SMOC2: variants seen among roughly 807,000 people sequenced by gnomAD.
The protein encoded by SMOC2 is SPARC related modular calcium binding 2.
In SMOC2, 39 loss-of-function variants were observed where a neutral mutation model predicts 61.4. The ratio of observed to expected loss-of-function variants is 0.64; its 90% CI spans 0.49 to 0.83. The LOEUF (loss-of-function observed/expected upper bound fraction) is 0.83. Among genes scored for constraint, SMOC2 ranks in the 40% least tolerant of loss-of-function variants. The probability of loss-of-function intolerance (pLI) is 0.00; values close to 1 mark genes in which losing one functional copy is unlikely to be tolerated. For missense variants in SMOC2, 556 were observed against 592.9 expected (o/e 0.94, Z 0.65); for synonymous variants, 247 against 239.9 (o/e 1.03, Z -0.27).
At chr6:168,636,640 C>T (rs564725879) in intron 9 of SMOC2, among the ~76,000 whole-genome samples, 7 of 152,320 alleles carry the variant, frequency 4.6e-5, no homozygotes, top group South Asian at 2.1e-4. Flanking sequence ...AAAGTGATAG[C>T]GGTCAAAGCT....
intron 2 of SMOC2, among the ~76,000 whole-genome samples, chr6:168,512,352 G>T (rs1783028627): frequency 6.6e-6 from 1 of 152,130 alleles, no homozygotes; most frequent in Admixed American, 6.5e-5. Flanking sequence ...TTTGTCCAGG[G>T]GTGCCAGACC....
At chr6:168,491,780 G>T (rs1437196211) in intron 1 of SMOC2, among the ~76,000 whole-genome samples, 2 of 152,256 alleles carry the variant, frequency 1.3e-5, no homozygotes, top group East Asian at 1.9e-4. Context: ...GAGATTGCTT[G>T]TTGGCCGTAT....
chr6:168,492,680 C>T (rs931544389), intron 1 of SMOC2, among the ~76,000 whole-genome samples: 1 of 152,208 alleles, frequency 6.6e-6, no homozygotes, highest in Non-Finnish European at 1.5e-5. Flanking sequence ...ATGACGTGAC[C>T]TACGAGGTTG....
intron 7 of SMOC2, among the ~76,000 whole-genome samples, chr6:168,558,713 G>T (rs1378368815): frequency 6.6e-6 from 1 of 152,230 alleles, no homozygotes; most frequent in Non-Finnish European, 1.5e-5. Flanking sequence ...TCGGCAAATA[G>T]GGATTCAGGG....
rs1337984524 is a variant in SMOC2, at chr6:168,518,432, T to C, written c.257-7914T>C. 2.0e-5 allele frequency among the ~76,000 whole-genome samples: 3 copies of C among 146,552 alleles called. No homozygotes were observed. The East Asian group carries it at 6.5e-4, about 32-fold the overall frequency. On this transcript the variant is annotated intron_variant, in intron 2 of 12. Transcript: ENST00000356284. ...GTGTGAATGTGTGCATGAGTGTGCA[T>C]GTGTGACTGTGAATGTGTGAATGTG...
intron 1 of SMOC2, among the ~76,000 whole-genome samples, chr6:168,467,501 G>T (rs1378965454): frequency 6.6e-6 from 1 of 151,976 alleles, no homozygotes; most frequent in Non-Finnish European, 1.5e-5. Flanking sequence ...GTAGAGATGG[G>T]GTTTCATTGT....
At position 168,530,648 on chromosome 6, in the gene SMOC2, C is replaced by A. The variant is rs1041650194; in HGVS notation, c.463+2921C>A. Among the ~76,000 whole-genome samples, 67 of 142,674 alleles carry A rather than the reference C, an allele frequency of 4.7e-4. 1 individual carries two copies. The highest frequency in any genetic ancestry group is 1.2e-3 in the South Asian group (5 of 4,010). 93.6% of individuals were successfully genotyped at this position (142,674 alleles called of 152,430 possible). ...AAAGTCACGGTGCAACCCCCCCCCC[C>A]CCGCCCCCACACCCACTGCTCTGGC... is the stretch of plus-strand genomic sequence containing the variant. On this transcript the variant is annotated intron_variant, in intron 4 of 12. Transcript: ENST00000356284.
At position 168,531,210 on chromosome 6, in the gene SMOC2, G is replaced by T. The variant is rs143064987; in HGVS notation, c.463+3483G>T. ...GCTTGCATGCGGTGGAGAGCAGGGG[G>T]GTCAATTTTGTGATTGCAGAGGGGG... On this transcript the variant is annotated intron_variant, in intron 4 of 12. Transcript: ENST00000356284. 1.2e-4 allele frequency among the ~76,000 whole-genome samples: 18 copies of T among 152,136 alleles called. No individual in the cohort carries two copies. In the South Asian group the frequency reaches 1.2e-3, roughly 11 times the overall value.
intron 9 of SMOC2, among the ~76,000 whole-genome samples, chr6:168,621,635 G>C (rs568449736): frequency 2.9e-4 from 44 of 152,290 alleles, no homozygotes; most frequent in African/African-American, 1.1e-3. Flanking sequence ...CATGGCAGAA[G>C]GGAAAGCAAA....
Position 168,526,330 on chromosome 6 carries a change from C to T in SMOC2, c.257-16C>T, listed in dbSNP as rs1469721776. ...CCCATTGCATAACCACACCTCTGCCCTGTTCTTCCCTACAGACGTGTCCAG... is the reference window on the plus strand; with the variant it reads ...CCCATTGCATAACCACACCTCTGCCTTGTTCTTCCCTACAGACGTGTCCAG... On this transcript the variant is annotated splice_polypyrimidine_tract_variant and intron_variant, in intron 2 of 12. Transcript: ENST00000356284. 6.2e-7 allele frequency: 1 copy of T among 1,607,940 alleles called. No homozygotes were observed. Among genetic ancestry groups the T allele is most frequent in the Admixed American group, 1.7e-5 (1 of 60,026 alleles).
At chr6:168,562,860 G>A (rs946772008) in intron 7 of SMOC2, among the ~76,000 whole-genome samples, 11 of 152,282 alleles carry the variant, frequency 7.2e-5, no homozygotes, top group Middle Eastern at 3.4e-3. Context: ...GTATTTTCAC[G>A]GATGACAGTT....
intron 1 of SMOC2, among the ~76,000 whole-genome samples, chr6:168,446,089 G>A (rs4708741): frequency 0.23 from 35,627 of 152,234 alleles, 4,539 homozygotes; most frequent in Admixed American, 0.34. Context: ...TGGGCCGGGC[G>A]CAGTGGCTCA....
chr6:168,607,307 G>A (rs1193556057), intron 8 of SMOC2, among the ~76,000 whole-genome samples: 1 of 152,180 alleles, frequency 6.6e-6, no homozygotes, highest in African/African-American at 2.4e-5. Flanking sequence ...CCTACACCCA[G>A]GACAAGGATA....
In SMOC2 at chr6:168,544,438, C is replaced by T. The variant is rs902326050; in HGVS notation, c.511+766C>T. ...AAAATAATATAAACACAGACCAGGC[C>T]GAGGCAGGCAGATCACCTGAGGTCA... On this transcript the variant is annotated intron_variant, in intron 5 of 12. Transcript: ENST00000356284. The surrounding 1 kb of genome is among the most constrained non-coding windows in gnomAD (Gnocchi z 4.1). Among the ~76,000 whole-genome samples, 14 of 152,106 alleles carry T rather than the reference C, an allele frequency of 9.2e-5. No individual in the cohort carries two copies. The highest frequency in any genetic ancestry group is 2.9e-4 in the African/African-American group (12 of 41,410).
At position 168,510,038 on chromosome 6, in the gene SMOC2, A is replaced by C. The variant is rs1316639503; in HGVS notation, c.208A>C (p.Lys70Gln). 6.2e-7 allele frequency: 1 copy of C among 1,614,246 alleles called. No homozygotes were observed. Among genetic ancestry groups the C allele is most frequent in the Admixed American group, 1.7e-5 (1 of 60,030 alleles). ...TTCCCGTTGTGAATTTCAACGTGCC[A>C]AGTGCAAAGATCCCCAGCTAGAGAT... is the stretch of plus-strand genomic sequence containing the variant. ...FLSRCEFQRA[K>Q]CKDPQLEIAY... Residue 70 changes from lysine to glutamine, a missense_variant, in exon 2 of 13, where the codon AAG becomes CAG. By Grantham distance (53) the Lys-to-Gln change is moderately conservative (BLOSUM62 1). Transcript: ENST00000356284.
chr6:168,575,248 A>G (rs956008108), intron 7 of SMOC2, among the ~76,000 whole-genome samples: 1 of 152,230 alleles, frequency 6.6e-6, no homozygotes, highest in Non-Finnish European at 1.5e-5. Flanking sequence ...TCTGTGGCTT[A>G]AAATGACAGT....
chr6:168,598,674 GC>G (rs1349257589), intron 7 of SMOC2, 143 bp from the exon 8 acceptor site: 4 of 866,586 alleles, frequency 4.6e-6, no homozygotes, highest in East Asian at 2.4e-5. Flanking sequence ...CTCCTGCTGT[GC>G]CCCCCACGCT....
At chr6:168,530,765 G>GC (rs1783576836) in intron 4 of SMOC2, among the ~76,000 whole-genome samples, 1 of 151,666 alleles carries the variant, frequency 6.6e-6, no homozygotes, top group Admixed American at 6.6e-5. Flanking sequence ...ACATCAGTTT[G>GC]CCCCTTTGCA....
chr6:168,466,749 A>G (rs1374234610), intron 1 of SMOC2, among the ~76,000 whole-genome samples: 1 of 152,264 alleles, frequency 6.6e-6, no homozygotes, highest in Admixed American at 6.5e-5. Context: ...CATGTCGGCC[A>G]AGGCCGGTGG....
Sources: gnomAD v4.1 joint callset for allele counts (sites outside exome capture counted in the v4.1 genomes callset) on GRCh38, gnomAD v4.1.1 for gene constraint, Gnocchi (gnomAD v3.1) non-coding constraint, MANE v1.5 for transcripts, NCBI Gene and HGNC (gene_info 2026-07-23, HGNC 2026-07-21) for gene names.